Variants in AIM2 observed in about 807,000 individuals in gnomAD.
The protein encoded by AIM2 is absent in melanoma 2.
AIM2 carries 30 observed loss-of-function variants against 27.7 expected under a neutral mutation model. The ratio of observed to expected loss-of-function variants is 1.08; its 90% CI spans 0.81 to 1.47. The LOEUF (loss-of-function observed/expected upper bound fraction) is 1.47. AIM2 is among the 40% of genes most tolerant of loss of function. The pLI is 0.00. For missense variants in AIM2, 358 were observed against 411.3 expected (o/e 0.87, Z 1.12); for synonymous variants, 141 against 145.3 (o/e 0.97, Z 0.21).
At chr1:159,105,662 C>T (rs1657424591) in intron 1 of AIM2, among the ~76,000 whole-genome samples, 1 of 152,114 alleles carries the variant, frequency 6.6e-6, no homozygotes, top group Non-Finnish European at 1.5e-5. Context: ...GTGAGTAGTT[C>T]CTATCTGGAG....
At chr1:159,056,023 G>C in the AIM2 span, among the ~76,000 whole-genome samples, 1 of 152,148 alleles carries the variant, frequency 6.6e-6, no homozygotes, top group East Asian at 1.9e-4. Flanking sequence ...GAAGCTGTGA[G>C]GAATGGAATG....
At chr1:159,059,410 C>T (rs1447316749), downstream of AIM2, among the ~76,000 whole-genome samples, 1 of 152,126 alleles carries the variant, frequency 6.6e-6, no homozygotes, top group African/African-American at 2.4e-5. Context: ...TTTGAGAATA[C>T]TGAAGTTCAG....
chr1:159,073,218 G>A lies in AIM2; in HGVS notation c.262+20C>T. ...CTTGGCAGAAAAAGGGACGGGGCAG[G>A]TGTGGAACTCCCACATTACCTTTCT... On this transcript the variant is annotated intron_variant, in intron 2 of 5. Coordinates refer to ENST00000368130, the MANE Select transcript of AIM2 (RefSeq NM_004833.3). 1 of 1,613,436 alleles carries A rather than the reference G, an allele frequency of 6.2e-7. No homozygotes were observed. The highest frequency in any genetic ancestry group is 8.5e-7 in the Non-Finnish European group (1 of 1,179,404).
chr1:159,074,097 T>A (rs1478177478), intron 1 of AIM2, among the ~76,000 whole-genome samples: 3 of 152,138 alleles, frequency 2.0e-5, no homozygotes, highest in African/African-American at 7.2e-5. Flanking sequence ...CTGTTATTTT[T>A]AAAATAGATT....
At chr1:159,113,069 G>C (rs574992579) in intron 1 of AIM2, among the ~76,000 whole-genome samples, 1 of 151,606 alleles carries the variant, frequency 6.6e-6, no homozygotes, top group African/African-American at 2.4e-5. Context: ...CTCAGCCTCC[G>C]GAGTAGCTGG....
intron 1 of AIM2, among the ~76,000 whole-genome samples, chr1:159,128,142 T>A (rs915354970): frequency 5.3e-5 from 8 of 152,160 alleles, no homozygotes; most frequent in African/African-American, 1.7e-4. Flanking sequence ...CTCAGCACAG[T>A]GCTTAGTATA....
At position 159,085,810 on chromosome 1, in the gene AIM2, G is replaced by C. The variant is rs1025796075; in HGVS notation, c.-15-19481C>G. ...GCAGTAGAGAAAAGAAGCCAGACCTGGTGGAGTGCTGGAAGGCAAGGCAAA... is the reference window on the plus strand; with the variant it reads ...GCAGTAGAGAAAAGAAGCCAGACCTCGTGGAGTGCTGGAAGGCAAGGCAAA... On this transcript the variant is annotated intron_variant, in intron 1 of 2. Transcript: ENST00000368129. Among the ~76,000 whole-genome samples, 5 of 152,212 alleles carry C rather than the reference G, an allele frequency of 3.3e-5. No individual in the cohort carries two copies. In the South Asian group the frequency reaches 8.3e-4, roughly 25 times the overall value.
intron 1 of AIM2, among the ~76,000 whole-genome samples, chr1:159,129,616 T>TA (rs1183388510): frequency 2.6e-5 from 4 of 152,108 alleles, no homozygotes; most frequent in African/African-American, 4.8e-5. Context: ...AGGATAACAA[T>TA]AAAAAGTACC....
intron 1 of AIM2, among the ~76,000 whole-genome samples, chr1:159,073,828 C>T (rs1204516208): frequency 6.6e-6 from 1 of 152,178 alleles, no homozygotes; most frequent in East Asian, 1.9e-4. Flanking sequence ...CACCTGCGGT[C>T]AGGAGTTTGA....
At chr1:159,113,767 T>C (rs894866830) in intron 1 of AIM2, among the ~76,000 whole-genome samples, 1 of 152,244 alleles carries the variant, frequency 6.6e-6, no homozygotes, top group Non-Finnish European at 1.5e-5. Flanking sequence ...GCTTCAGGGA[T>C]GACCATGTAT....
intron 1 of AIM2, among the ~76,000 whole-genome samples, chr1:159,138,817 A>G (rs1648058137): frequency 6.6e-6 from 1 of 152,208 alleles, no homozygotes; most frequent in Admixed American, 6.5e-5. Context: ...GAATACAATA[A>G]TAAATAACAC....
chr1:159,057,716 G>A (rs1655706927), downstream of AIM2, among the ~76,000 whole-genome samples: 2 of 152,128 alleles, frequency 1.3e-5, no homozygotes, highest in Admixed American at 6.5e-5. Context: ...AGAATTTAAT[G>A]GCAAATGTAT....
intron 1 of AIM2, among the ~76,000 whole-genome samples, chr1:159,140,167 C>A (rs1557917749): frequency 6.6e-6 from 1 of 152,170 alleles, no homozygotes; most frequent in South Asian, 2.1e-4. Flanking sequence ...TGCCCAGGAA[C>A]TTCTGGTCCA....
intron 1 of AIM2, among the ~76,000 whole-genome samples, chr1:159,126,748 A>G (rs1325535865): frequency 1.3e-5 from 2 of 152,186 alleles, no homozygotes; most frequent in Non-Finnish European, 2.9e-5. Context: ...CAGCAATCCA[A>G]TTCCCAAGTG....
intron 1 of AIM2, among the ~76,000 whole-genome samples, chr1:159,074,017 C>T (rs1360317046): frequency 1.3e-5 from 2 of 152,024 alleles, no homozygotes; most frequent in Non-Finnish European, 2.9e-5. Flanking sequence ...CCAGCCTGGG[C>T]AACAGGAGCG....
intron 3 of AIM2, 105 bp downstream of exon 3, chr1:159,068,463 C>T: frequency 7.0e-7 from 1 of 1,434,000 alleles, no homozygotes; most frequent in Non-Finnish European, 9.3e-7. Flanking sequence ...GCCTTGCTTC[C>T]CTTATTTGCA....
intron 1 of AIM2, among the ~76,000 whole-genome samples, chr1:159,121,250 T>C (rs1647527260): frequency 6.6e-6 from 1 of 152,174 alleles, no homozygotes; most frequent in Admixed American, 6.5e-5. Context: ...AACCATGTTT[T>C]CAATTCCAGT....
upstream of AIM2, among the ~76,000 whole-genome samples, chr1:159,141,142 G>C (rs562329247): frequency 1.1e-4 from 16 of 152,268 alleles, no homozygotes; most frequent in African/African-American, 3.9e-4. Context: ...CCCTCTGCAT[G>C]ACCGTGTCAG....
intron 1 of AIM2, among the ~76,000 whole-genome samples, chr1:159,089,072 A>T (rs1656988466): frequency 6.6e-6 from 1 of 152,198 alleles, no homozygotes; most frequent in South Asian, 2.1e-4. Flanking sequence ...ATTCAAAGAA[A>T]ACACTGACGA....
Sources: allele counts gnomAD v4.1 joint callset (sites outside exome capture counted in the v4.1 genomes callset), GRCh38; gene constraint gnomAD v4.1.1; transcripts MANE v1.5; gene names NCBI Gene and HGNC (gene_info 2026-07-23, HGNC 2026-07-21).